Variants in UNC5C observed in about 807,000 individuals in gnomAD.
UNC5C encodes unc-5 netrin receptor C, also known as netrin receptor UNC5C.
A neutral mutation model predicts 99.8 loss-of-function variants in UNC5C; 47 were observed. The ratio of observed to expected loss-of-function variants is 0.47; its 90% confidence interval spans 0.37 to 0.60. The LOEUF (loss-of-function observed/expected upper bound fraction) is 0.60. Among genes scored for constraint, UNC5C ranks in the 20% least tolerant of loss-of-function variants. The probability of loss-of-function intolerance (pLI) is 0.00; values close to 1 mark genes in which losing one functional copy is unlikely to be tolerated. For synonymous variants in UNC5C, 487 were observed against 452.2 expected, an observed-to-expected ratio of 1.08 and a Z score of -0.98; for missense variants, 1,062 against 1,165.9, an observed-to-expected ratio of 0.91 and a Z score of 1.30.
chr4:95,202,697 G>A (rs1188463654), intron 12 of UNC5C, 34 bp downstream of exon 12: 6 of 1,599,352 alleles, frequency 3.8e-6, no homozygotes, highest in Non-Finnish European at 5.1e-6. Context: ...TCCAGGTGGA[G>A]GTGAAGAGGG....
chr4:95,491,368 A>T (rs1230133143), intron 1 of UNC5C, among the ~76,000 whole-genome samples: 1 of 151,690 alleles, frequency 6.6e-6, no homozygotes, highest in Non-Finnish European at 1.5e-5. Context: ...AGGATAAGAA[A>T]CATTTGGTGT....
At chr4:95,395,277 C>T (rs1373073042) in intron 1 of UNC5C, among the ~76,000 whole-genome samples, 2 of 152,196 alleles carry the variant, frequency 1.3e-5, no homozygotes, top group Non-Finnish European at 2.9e-5. Context: ...CCTTACTTTT[C>T]AACAAAGCCA....
chr4:95,528,831 G>T (rs564878644), intron 1 of UNC5C, among the ~76,000 whole-genome samples: 1 of 152,206 alleles, frequency 6.6e-6, no homozygotes, highest in East Asian at 1.9e-4. Flanking sequence ...GGAAAGAGGC[G>T]ATGAGAGGAT....
chr4:95,310,343 CAG>C (rs938160769), intron 2 of UNC5C, among the ~76,000 whole-genome samples: 37 of 151,976 alleles, frequency 2.4e-4, no homozygotes, highest in African/African-American at 8.5e-4. Flanking sequence ...TTCAGTTAGA[CAG>C]GGAGAGTAAG....
At chr4:95,421,145 AATT>A (rs1746307011) in intron 1 of UNC5C, among the ~76,000 whole-genome samples, 1 of 152,166 alleles carries the variant, frequency 6.6e-6, no homozygotes, top group Non-Finnish European at 1.5e-5. Context: ...TATCCAAACA[AATT>A]ATACTGGATC....
At chr4:95,354,055 C>T (rs1270646231) in intron 1 of UNC5C, among the ~76,000 whole-genome samples, 1 of 152,108 alleles carries the variant, frequency 6.6e-6, no homozygotes, top group Non-Finnish European at 1.5e-5. Flanking sequence ...TTTCCTCTCC[C>T]TCATTTCCAA....
chr4:95,272,800 T>C (rs183505566), intron 4 of UNC5C, among the ~76,000 whole-genome samples: 1 of 152,348 alleles, frequency 6.6e-6, no homozygotes, highest in East Asian at 1.9e-4. Context: ...GTATTCAGAT[T>C]CTTCTTTCCT....
chr4:95,243,246 A>G (rs1739389417), intron 6 of UNC5C, among the ~76,000 whole-genome samples: 1 of 152,106 alleles, frequency 6.6e-6, no homozygotes, highest in Non-Finnish European at 1.5e-5. Flanking sequence ...TTATTAAAAA[A>G]TTTTAGGTAA....
chr4:95,183,060 T>G lies in UNC5C; in HGVS notation c.2288A>C (p.Glu763Ala). 1.9e-6 allele frequency: 3 copies of G among 1,603,794 alleles called. No individual in the cohort carries two copies. The highest frequency in any genetic ancestry group is 2.6e-6 in the Non-Finnish European group (3 of 1,171,848). Residue 763 changes from glutamate (E) to alanine (A), a missense_variant and splice_region_variant, in exon 14 of 16, where the codon GAA (glutamate) becomes GCA (alanine). Coordinates refer to ENST00000453304, the MANE Select transcript of UNC5C (RefSeq NM_003728.4). ...ACTCCAAACATGGTAAAATGGAATTTCCTAAAGGATATGAAAGTGTTAACC... is the reference window on the plus strand; with the variant it reads ...ACTCCAAACATGGTAAAATGGAATTGCCTAAAGGATATGAAAGTGTTAACC... Reference protein sequence around the residue: ...WKSKLLAKYQEIPFYHVWSGS... With the variant: ...WKSKLLAKYQAIPFYHVWSGS...
rs114780701 is a variant in UNC5C at position 95,422,167 on chromosome 4, T to C, written c.125-86536A>G. ...ATAATGGAAACGTTACTCGTTTAGG[T>C]AGGCACACATGAAATATTAATTTCC... is the stretch of plus-strand genomic sequence containing the variant. On this transcript the variant is annotated intron_variant, in intron 1 of 15. Coordinates refer to ENST00000453304, the MANE Select transcript of UNC5C (RefSeq NM_003728.4). 5.3e-3 allele frequency among the ~76,000 whole-genome samples: 810 copies of C among 152,336 alleles called. 9 individuals are homozygous for C. Among genetic ancestry groups the C allele is most frequent in the African/African-American group, 0.018 (763 of 41,572 alleles).
intron 12 of UNC5C, among the ~76,000 whole-genome samples, chr4:95,190,465 T>C (rs576370922): frequency 3.5e-4 from 54 of 152,308 alleles, no homozygotes; most frequent in African/African-American, 1.2e-3. Context: ...ATTGTGCACA[T>C]GTACCCGAGA....
Position 95,238,443 on chromosome 4 carries a change from A to C in UNC5C, c.1108+3986T>G, listed in dbSNP as rs977989215. Among the ~76,000 whole-genome samples the C allele has an allele frequency of 4.6e-5, 7 of 152,256 alleles. No individual in the cohort carries two copies. The South Asian group carries it at 8.3e-4, about 18-fold the overall frequency. Reference sequence around the variant, plus strand: ...TTCTTTTCCTGAGCAATATATAGAAAATGGAAATTTTTAACTTAGTTTGCA... The same window carrying C: ...TTCTTTTCCTGAGCAATATATAGAACATGGAAATTTTTAACTTAGTTTGCA... On this transcript the variant is annotated intron_variant, in intron 7 of 15. Transcript: ENST00000453304.
chr4:95,392,868 A>G (rs546054047), intron 1 of UNC5C, among the ~76,000 whole-genome samples: 155 of 152,324 alleles, frequency 1.0e-3, no homozygotes, highest in African/African-American at 3.7e-3. Flanking sequence ...TTCAGTAAAC[A>G]TATATTATTG....
At chr4:95,222,121 A>G in intron 7 of UNC5C, 1 of 933,982 alleles carries the variant, frequency 1.1e-6, no homozygotes, top group Non-Finnish European at 1.5e-6. Context: ...CTGTGTGCAC[A>G]TCTGTAATCC....
intron 2 of UNC5C, among the ~76,000 whole-genome samples, chr4:95,306,195 TTTTATTTTTATTTA>T (rs1346193094): frequency 2.6e-5 from 4 of 152,036 alleles, no homozygotes; most frequent in African/African-American, 9.7e-5. Flanking sequence ...TTTTATTTAT[TTTTATTTTTATTTA>T]TTTATTTTTT....
chr4:95,371,436 G>GGGT (rs1744746757), intron 1 of UNC5C, among the ~76,000 whole-genome samples: 1 of 14,498 alleles, frequency 6.9e-5, no homozygotes, highest in Non-Finnish European at 1.1e-4. Context: ...GGGGGGGGGA[G>GGGT]TATCAAATGT....
In UNC5C at chr4:95,548,893, A is replaced by G. The variant is rs1448494972; in HGVS notation, c.-36T>C. On this transcript the variant is annotated 5_prime_UTR_variant, in exon 1 of 16. Transcript: ENST00000453304. ...GGTGTGCCGGGGGGAGGGGAGGGGG[A>G]CAGAGAGACGCGCAAACAGCTGAAA... 6.2e-7 allele frequency: 1 copy of G among 1,606,766 alleles called. No homozygotes were observed. Among genetic ancestry groups the G allele is most frequent in the African/African-American group, 1.3e-5 (1 of 74,690 alleles).
rs375565741 is a variant in UNC5C, at chr4:95,548,788, C to G, written c.70G>C (p.Val24Leu). Residue 24 changes from valine to leucine, a missense_variant, in exon 1 of 16, where the codon GTG becomes CTG. This residue lies in a region of UNC5C where 249 missense variants were observed against 295.1 expected (regional missense o/e 0.84). Transcript: ENST00000453304. The stretch of plus-strand genomic sequence containing the variant: ...CTGAGCAGGGCCAGGGCAGGTAGCA[C>G]GAGCATTTGCAGCAAGTATCCCAGT... ...LGLGYLLQML[V>L]LPALALLSAS... The G allele has an allele frequency of 1.3e-5, 21 of 1,613,234 alleles. No homozygotes were observed. The highest frequency in any genetic ancestry group is 3.3e-5 in the Admixed American group (2 of 59,992).
intron 1 of UNC5C, among the ~76,000 whole-genome samples, chr4:95,382,771 CTGCTTTATCAA>C (rs1367952982): frequency 6.6e-6 from 1 of 152,186 alleles, no homozygotes; most frequent in Non-Finnish European, 1.5e-5. Context: ...TACTTAGCCA[CTGCTTTATCAA>C]TGCTTGGCTG....
Sources: allele counts gnomAD v4.1 joint callset (sites outside exome capture counted in the v4.1 genomes callset), GRCh38; gene constraint gnomAD v4.1.1; regional missense constraint gnomAD v4.1.1; transcripts MANE v1.5; gene names NCBI Gene and HGNC (gene_info 2026-07-23, HGNC 2026-07-21).